DPF3: variants seen among roughly 807,000 people sequenced by gnomAD.
DPF3 encodes the protein zinc finger protein DPF3.
A neutral mutation model predicts 56.8 loss-of-function variants in DPF3; 18 were observed. The observed-to-expected ratio is 0.32, with a 90% confidence interval of 0.22 to 0.47. DPF3 has a LOEUF of 0.47. Among genes scored for constraint, DPF3 ranks in the 20% least tolerant of loss-of-function variants. The pLI is 1.00. For missense variants in DPF3, 403 were observed against 488.8 expected (o/e 0.82, Z 1.65); for synonymous variants, 188 against 180.2 (o/e 1.04, Z -0.35).
At chr14:72,783,978 G>T (rs1356296473) in intron 1 of DPF3, among the ~76,000 whole-genome samples, 1 of 152,166 alleles carries the variant, frequency 6.6e-6, no homozygotes, top group East Asian at 1.9e-4. Context: ...TCACGCACCT[G>T]CTGGCATGGG....
At chr14:72,823,405 A>G (rs1883640728) in intron 1 of DPF3, among the ~76,000 whole-genome samples, 1 of 152,222 alleles carries the variant, frequency 6.6e-6, no homozygotes, top group Non-Finnish European at 1.5e-5. Context: ...ATGCAAGGAC[A>G]TGGCGGACGC....
chr14:72,888,881 C>A (rs1886648604), intron 1 of DPF3, among the ~76,000 whole-genome samples: 1 of 152,204 alleles, frequency 6.6e-6, no homozygotes, highest in Non-Finnish European at 1.5e-5. Context: ...GATTCTGGTG[C>A]CTCTTTATGA....
At chr14:72,635,950 AT>A (rs1411695691) in intron 8 of DPF3, among the ~76,000 whole-genome samples, 2 of 152,240 alleles carry the variant, frequency 1.3e-5, no homozygotes, top group Non-Finnish European at 2.9e-5. Flanking sequence ...TCTATTATTT[AT>A]TCATTGTGAA....
chr14:72,679,381 C>G (rs927388032), intron 7 of DPF3: 4 of 152,464 alleles, frequency 2.6e-5, no homozygotes, highest in Admixed American at 6.5e-5. Flanking sequence ...CCTGAGCAGA[C>G]GCTCTGACCA....
chr14:72,670,201 C>G, intron 8 of DPF3: 2 of 986,010 alleles, frequency 2.0e-6, no homozygotes, highest in East Asian at 1.1e-4. Context: ...ACGATGATGT[C>G]TCCTTCTATC....
intron 8 of DPF3, chr14:72,661,134 A>C: frequency 1.0e-6 from 1 of 985,454 alleles, no homozygotes; most frequent in South Asian, 4.7e-5. Context: ...TCACAGTTCT[A>C]CACAGGTTGT....
chr14:72,860,093 T>C (rs1036978213), intron 1 of DPF3, among the ~76,000 whole-genome samples: 4 of 152,358 alleles, frequency 2.6e-5, no homozygotes, highest in Middle Eastern at 6.8e-3. Flanking sequence ...TCAGAATTTT[T>C]ACAAGCTTAG....
At chr14:72,668,619 A>G (rs1243944874) in intron 8 of DPF3, among the ~76,000 whole-genome samples, 1 of 152,194 alleles carries the variant, frequency 6.6e-6, no homozygotes, top group Non-Finnish European at 1.5e-5. Context: ...TTTCTCTGTT[A>G]GACTCCAAGC....
At chr14:72,738,536 C>T (rs1450367066) in intron 3 of DPF3, among the ~76,000 whole-genome samples, 1 of 151,990 alleles carries the variant, frequency 6.6e-6, no homozygotes, top group East Asian at 1.9e-4. Context: ...CACCACTGAG[C>T]TGCCAGCAGA....
At chr14:72,730,230 G>A (rs1889584915) in intron 4 of DPF3, among the ~76,000 whole-genome samples, 1 of 152,036 alleles carries the variant, frequency 6.6e-6, no homozygotes, top group Non-Finnish European at 1.5e-5. Context: ...CTGGGCTTAT[G>A]TTGAAGGCAC....
intron 1 of DPF3, among the ~76,000 whole-genome samples, chr14:72,831,174 C>T (rs1229795534): frequency 6.6e-6 from 1 of 152,030 alleles, no homozygotes; most frequent in East Asian, 1.9e-4. Context: ...GCAAGGCAAA[C>T]GGCAGATTAA....
intron 1 of DPF3, chr14:72,892,377 GCGCAGTGTATC>G: frequency 1.3e-6 from 2 of 1,526,458 alleles, no homozygotes; most frequent in Non-Finnish European, 1.8e-6. Context: ...TGGCGTTCAA[GCGCAGTGTATC>G]CGAGCTTCCG....
intron 8 of DPF3, among the ~76,000 whole-genome samples, chr14:72,645,380 C>T (rs1409448203): frequency 6.6e-6 from 1 of 151,672 alleles, no homozygotes; most frequent in African/African-American, 2.4e-5. Context: ...GTTCACTGCA[C>T]CTGCCGCCTC....
intron 9 of DPF3, among the ~76,000 whole-genome samples, chr14:72,622,876 C>T (rs1884547207): frequency 6.6e-6 from 1 of 152,198 alleles, no homozygotes; most frequent in Non-Finnish European, 1.5e-5. Context: ...CTCAAAGGCT[C>T]TGCCAAGTCA....
intron 1 of DPF3, among the ~76,000 whole-genome samples, chr14:72,795,163 G>A (rs60344050): frequency 0.053 from 8,086 of 151,748 alleles, 622 homozygotes; most frequent in African/African-American, 0.17. Context: ...TACCAAAGGC[G>A]TGTTCTGCTG....
At chr14:72,863,100 A>ATATATATATATG (rs1413440131) in intron 1 of DPF3, among the ~76,000 whole-genome samples, 6 of 110,582 alleles carry the variant, frequency 5.4e-5, no homozygotes, top group South Asian at 3.1e-4. Flanking sequence ...ATATATATAT[A>ATATATATATATG]TGTGTGTGTA....
chr14:72,861,853 CAAT>C (rs1885453191), intron 1 of DPF3, among the ~76,000 whole-genome samples: 1 of 151,938 alleles, frequency 6.6e-6, no homozygotes, highest in Non-Finnish European at 1.5e-5. Flanking sequence ...TACTTTATCA[CAAT>C]AATGGAAATG....
chr14:72,633,560 A>C (rs780081822), intron 8 of DPF3, among the ~76,000 whole-genome samples: 20 of 152,166 alleles, frequency 1.3e-4, no homozygotes, highest in Non-Finnish European at 2.9e-4. Context: ...AAGAGGTTTC[A>C]AGAAGGAGAA....
At position 72,615,577 on chromosome 14, in the gene DPF3, T is replaced by A. The variant is rs1884042757; in HGVS notation, c.*3720A>T. Among the ~76,000 whole-genome samples the A allele has an allele frequency of 6.6e-6, 1 of 152,118 alleles. No individual in the cohort carries two copies. Among genetic ancestry groups the A allele is most frequent in the Non-Finnish European group, 1.5e-5 (1 of 68,006 alleles). ...TTCAAAACCTGTTCTCTTCCCCAGT[T>A]CTGGAGGAATCTGGCCTCCTTCCCT... On this transcript the variant is annotated 3_prime_UTR_variant, in exon 11 of 11. Transcript: ENST00000556509.
Sources: allele counts gnomAD v4.1 joint callset (sites outside exome capture counted in the v4.1 genomes callset), GRCh38; gene constraint gnomAD v4.1.1; transcripts MANE v1.5; gene names NCBI Gene and HGNC (gene_info 2026-07-23, HGNC 2026-07-21).